The following METTL15 variants were observed in gnomAD, a reference collection of about 807,000 sequenced individuals.
The protein encoded by METTL15 is methyltransferase 15, mitochondrial 12S rRNA N4-cytidine.
METTL15 carries 34 observed loss-of-function variants against 38.3 expected under a neutral mutation model. That is an observed-to-expected ratio of 0.89 (90% confidence interval 0.68 to 1.18). The LOEUF (loss-of-function observed/expected upper bound fraction) is 1.18. Among genes scored for constraint, METTL15 ranks in the 50% most tolerant of loss-of-function variants. METTL15 has a pLI of 0.00. For synonymous variants in METTL15, 162 were observed against 170.9 expected, an observed-to-expected ratio of 0.95 and a Z score of 0.41; for missense variants, 438 against 498.4, an observed-to-expected ratio of 0.88 and a Z score of 1.15.
chr11:28,320,027 C>A (rs984607846), intron 6 of METTL15, among the ~76,000 whole-genome samples: 1 of 152,090 alleles, frequency 6.6e-6, no homozygotes, highest in Non-Finnish European at 1.5e-5. Context: ...AAGTATCATT[C>A]TTTTCATTAG....
chr11:28,433,172 G>T (rs4306285), intron 6 of METTL15, among the ~76,000 whole-genome samples: 5,822 of 76,410 alleles, frequency 0.076, 209 homozygotes, highest in Admixed American at 0.12. Context: ...TGTTTTTTTT[G>T]TTTTTTTTTG....
downstream of METTL15, among the ~76,000 whole-genome samples, chr11:28,337,972 C>T (rs1193670990): frequency 2.0e-5 from 3 of 152,084 alleles, no homozygotes; most frequent in Admixed American, 6.6e-5. Context: ...GAACTGGATT[C>T]CTCTAATTCC....
intron 3 of METTL15, among the ~76,000 whole-genome samples, chr11:28,133,569 A>T (rs1849410811): frequency 6.6e-6 from 1 of 152,202 alleles, no homozygotes; most frequent in African/African-American, 2.4e-5. Flanking sequence ...GATAGTGTGC[A>T]ACTTCAAAGG....
chr11:28,423,793 T>C (rs549291846), intron 5 of METTL15, among the ~76,000 whole-genome samples: 41 of 152,198 alleles, frequency 2.7e-4, no homozygotes, highest in African/African-American at 9.6e-4. Context: ...TAGTATTTGA[T>C]AGCACAACAG....
At chr11:28,434,895 C>G (rs1370744954) in intron 6 of METTL15, among the ~76,000 whole-genome samples, 1 of 152,180 alleles carries the variant, frequency 6.6e-6, no homozygotes, top group African/African-American at 2.4e-5. Context: ...CTGGTAGGTT[C>G]TCATGGTAGT....
At chr11:28,432,929 A>ATTTTTTTTT (rs11373492) in intron 6 of METTL15, among the ~76,000 whole-genome samples, 1 of 146,918 alleles carries the variant, frequency 6.8e-6, no homozygotes. Context: ...TTTTTTCCAC[A>ATTTTTTTTT]TTTTTTTTTT....
intron 4 of METTL15, among the ~76,000 whole-genome samples, chr11:28,216,232 TTACAC>T (rs1852863483): frequency 3.3e-5 from 5 of 151,908 alleles, no homozygotes; most frequent in Non-Finnish European, 4.4e-5. Context: ...AGATATAAGA[TTACAC>T]TATAAAATCA....
At chr11:28,449,997 T>C (rs1169443898) in intron 6 of METTL15, among the ~76,000 whole-genome samples, 1 of 152,178 alleles carries the variant, frequency 6.6e-6, no homozygotes, top group Non-Finnish European at 1.5e-5. Context: ...CCCATAAAAT[T>C]GAGAGCAAAA....
chr11:28,455,495 T>A (rs935258712), intron 6 of METTL15, among the ~76,000 whole-genome samples: 2 of 152,158 alleles, frequency 1.3e-5, no homozygotes, highest in African/African-American at 4.8e-5. Context: ...AGCTGATTTT[T>A]AAAAATTTCA....
intron 3 of METTL15, among the ~76,000 whole-genome samples, chr11:28,142,353 ATAAC>A (rs1849728634): frequency 6.6e-6 from 1 of 152,348 alleles, no homozygotes; most frequent in African/African-American, 2.4e-5. Context: ...CAATAAAAAA[ATAAC>A]TATTAATATC....
At chr11:28,129,669 C>T (rs896841558) in intron 3 of METTL15, among the ~76,000 whole-genome samples, 1 of 152,152 alleles carries the variant, frequency 6.6e-6, no homozygotes, top group East Asian at 1.9e-4. Flanking sequence ...CTGTGCCTTC[C>T]AAAGTGCTGG....
At chr11:28,220,992 C>T (rs1268201166) in intron 4 of METTL15, among the ~76,000 whole-genome samples, 1 of 152,162 alleles carries the variant, frequency 6.6e-6, no homozygotes. Flanking sequence ...CTGCCCTTAA[C>T]ATTTTTTCCT....
chr11:28,152,713 G>T (rs1032123618), intron 3 of METTL15, among the ~76,000 whole-genome samples: 1 of 151,982 alleles, frequency 6.6e-6, no homozygotes, highest in Non-Finnish European at 1.5e-5. Context: ...ACTGTTACAG[G>T]AAAGGGGTCC....
At position 28,348,198 on chromosome 11, in the gene METTL15, C is replaced by T. The variant is rs560643748; in HGVS notation, c.*190-3892C>T. On this transcript the variant is annotated intron_variant and NMD_transcript_variant, in intron 3 of 7. Transcript: ENST00000532947. ...ATACTTTGAGACTATGTAAAAATCTCGTTCTTTACCTCATTTTGACCTACT... is the reference window on the plus strand; with the variant it reads ...ATACTTTGAGACTATGTAAAAATCTTGTTCTTTACCTCATTTTGACCTACT... Among the ~76,000 whole-genome samples the T allele has an allele frequency of 5.3e-5, 8 of 152,210 alleles. No individual in the cohort carries two copies. In the South Asian group the frequency reaches 1.5e-3, roughly 28 times the overall value.
At chr11:28,120,251 CTTT>C (rs111884031) in intron 3 of METTL15, among the ~76,000 whole-genome samples, 1 of 136,848 alleles carries the variant, frequency 7.3e-6, no homozygotes, top group Non-Finnish European at 1.6e-5. Context: ...TGTGCCCAGC[CTTT>C]TTTTTTTTTT....
chr11:28,110,928 T>C (rs1565097936), intron 2 of METTL15, among the ~76,000 whole-genome samples: 1 of 152,292 alleles, frequency 6.6e-6, no homozygotes, highest in East Asian at 1.9e-4. Flanking sequence ...CCTGCTTCCT[T>C]ATGACCAGAG....
At chr11:28,482,039 G>T (rs944539534) in intron 6 of METTL15, among the ~76,000 whole-genome samples, 2 of 151,940 alleles carry the variant, frequency 1.3e-5, no homozygotes, top group African/African-American at 4.8e-5. Context: ...TCAGCCCTAG[G>T]CACCCCTGCT....
At chr11:28,352,528 A>T (rs892850830) in intron 4 of METTL15, among the ~76,000 whole-genome samples, 2 of 152,176 alleles carry the variant, frequency 1.3e-5, no homozygotes, top group Admixed American at 1.3e-4. Flanking sequence ...TTTAATGCAG[A>T]CATTTTTACA....
intron 3 of METTL15, among the ~76,000 whole-genome samples, chr11:28,343,922 G>A (rs1271870869): frequency 6.6e-6 from 1 of 152,154 alleles, no homozygotes; most frequent in African/African-American, 2.4e-5. Context: ...TAGAAGGTAA[G>A]TACTATGACA....
Sources: allele counts gnomAD v4.1 joint callset (sites outside exome capture counted in the v4.1 genomes callset), GRCh38; gene constraint gnomAD v4.1.1; transcripts MANE v1.5; gene names NCBI Gene and HGNC (gene_info 2026-07-23, HGNC 2026-07-21).